Variants in TRAPPC9 observed in about 807,000 individuals in gnomAD.
TRAPPC9 encodes the protein trafficking protein particle complex subunit 9, also known as IKK2 binding protein.
TRAPPC9 carries 83 observed loss-of-function variants against 124.0 expected under a neutral mutation model. That is an observed-to-expected ratio of 0.67 (90% CI 0.56 to 0.80). The LOEUF (loss-of-function observed/expected upper bound fraction) is 0.80, where lower values mean the gene tolerates loss of function less well. Among genes scored for constraint, TRAPPC9 ranks in the 30% least tolerant of loss-of-function variants. TRAPPC9 has a pLI of 0.00. For synonymous variants in TRAPPC9, 638 were observed against 617.5 expected (o/e 1.03, Z -0.49); for missense variants, 1,302 against 1,508.3 (o/e 0.86, Z 2.27).
intron 17 of TRAPPC9, among the ~76,000 whole-genome samples, chr8:140,198,049 C>T (rs1268326522): frequency 6.6e-6 from 1 of 152,208 alleles, no homozygotes; most frequent in Non-Finnish European, 1.5e-5. Flanking sequence ...GCTTCCTCCT[C>T]AGAGCATTCA....
At chr8:139,865,906 G>T (rs1341342391) in intron 21 of TRAPPC9, among the ~76,000 whole-genome samples, 2 of 152,206 alleles carry the variant, frequency 1.3e-5, no homozygotes, top group Admixed American at 6.5e-5. Context: ...GGTGGTCGGG[G>T]TGCAGCTTGG....
At chr8:139,906,749 G>A (rs1054685416) in intron 20 of TRAPPC9, among the ~76,000 whole-genome samples, 6 of 152,030 alleles carry the variant, frequency 3.9e-5, no homozygotes, top group African/African-American at 1.2e-4. Flanking sequence ...TACTCCCTTC[G>A]CTCAGGCCCT....
intron 16 of TRAPPC9, among the ~76,000 whole-genome samples, chr8:140,226,026 G>T (rs1382590959): frequency 6.6e-6 from 1 of 152,212 alleles, no homozygotes; most frequent in African/African-American, 2.4e-5. Flanking sequence ...TTGGCCTGTA[G>T]AGGAAAGCAG....
chr8:140,177,521 C>T (rs905945439), intron 17 of TRAPPC9, among the ~76,000 whole-genome samples: 1 of 152,048 alleles, frequency 6.6e-6, no homozygotes, highest in Non-Finnish European at 1.5e-5. Context: ...TATCCTTATG[C>T]CAATATCACA....
At chr8:140,155,031 G>A (rs1341220519) in intron 17 of TRAPPC9, among the ~76,000 whole-genome samples, 1 of 152,152 alleles carries the variant, frequency 6.6e-6, no homozygotes, top group East Asian at 1.9e-4. Flanking sequence ...GTTTCACCCG[G>A]ACAGGCTTCT....
chr8:140,063,538 T>C lies in TRAPPC9; in HGVS notation c.2557-39459A>G, dbSNP rs1842748985. On this transcript the variant is annotated intron_variant, in intron 17 of 22. Coordinates refer to ENST00000438773, the MANE Select transcript of TRAPPC9 (RefSeq NM_001160372.4). This position sits in a 1 kb window ranked among gnomAD's most constrained non-coding sequence, Gnocchi z 4.3. The stretch of plus-strand genomic sequence containing the variant: ...TATACCATAAGAGGCCCAGGAGAAA[T>C]GTTTGTTGAATGGATCGGGGAACAG... 6.6e-6 allele frequency among the ~76,000 whole-genome samples: 1 copy of C among 152,108 alleles called. No homozygotes were observed. The highest frequency in any genetic ancestry group is 6.5e-5 in the Admixed American group (1 of 15,276).
At chr8:140,122,023 T>TTCTC (rs533446141) in intron 17 of TRAPPC9, among the ~76,000 whole-genome samples, 3,714 of 138,490 alleles carry the variant, frequency 0.027, 60 homozygotes, top group African/African-American at 0.043. Flanking sequence ...CTTTCTTTCT[T>TTCTC]TCTCTCTCTC....
chr8:139,735,106 G>T (rs1038117649), intron 21 of TRAPPC9, among the ~76,000 whole-genome samples: 1 of 152,170 alleles, frequency 6.6e-6, no homozygotes, highest in Non-Finnish European at 1.5e-5. Context: ...CGGGCTCTTT[G>T]TTCTCCCAGC....
chr8:140,402,692 T>A, intron 6 of TRAPPC9, among the ~76,000 whole-genome samples: 1 of 147,626 alleles, frequency 6.8e-6, no homozygotes. Context: ...CAAAACCCTG[T>A]CTCAAAAAAA....
At chr8:140,096,050 C>T (rs1844924062) in intron 17 of TRAPPC9, 1 of 152,178 alleles carries the variant, frequency 6.6e-6, no homozygotes, top group African/African-American at 2.4e-5. Flanking sequence ...AGGGAGGGCG[C>T]ACATTCCACC....
chr8:140,431,183 G>A (rs1364455102), intron 4 of TRAPPC9, among the ~76,000 whole-genome samples: 2 of 151,998 alleles, frequency 1.3e-5, no homozygotes, highest in South Asian at 2.1e-4. Flanking sequence ...CTCGCCGGGC[G>A]CGGTGGCTCA....
intron 21 of TRAPPC9, among the ~76,000 whole-genome samples, chr8:139,831,641 T>C (rs1194087497): frequency 6.6e-6 from 1 of 152,188 alleles, no homozygotes; most frequent in Non-Finnish European, 1.5e-5. Context: ...CGCCGCAGCC[T>C]GTGCCAGCCT....
chr8:140,357,018 C>G (rs2067772081), intron 9 of TRAPPC9, among the ~76,000 whole-genome samples: 1 of 152,190 alleles, frequency 6.6e-6, no homozygotes, highest in African/African-American at 2.4e-5. Flanking sequence ...ACCTCAGCAG[C>G]CATGCACTTG....
At chr8:139,816,072 T>A (rs1244960558) in intron 21 of TRAPPC9, among the ~76,000 whole-genome samples, 1 of 152,140 alleles carries the variant, frequency 6.6e-6, no homozygotes, top group Non-Finnish European at 1.5e-5. Flanking sequence ...ACGGCTGTGT[T>A]TGGCAGATGC....
intron 17 of TRAPPC9, among the ~76,000 whole-genome samples, chr8:140,147,210 G>A (rs1404760518): frequency 2.6e-5 from 4 of 152,180 alleles, no homozygotes; most frequent in Admixed American, 6.5e-5. Context: ...GAACGCACAC[G>A]TTAGCGTGAA....
At chr8:139,815,393 CTT>C (rs33934110) in intron 21 of TRAPPC9, among the ~76,000 whole-genome samples, 2 of 145,530 alleles carry the variant, frequency 1.4e-5, no homozygotes, top group African/African-American at 2.5e-5. Flanking sequence ...GCATTCATAA[CTT>C]TTTTTTTTTT....
chr8:139,974,686 C>A (rs551459544), intron 19 of TRAPPC9, among the ~76,000 whole-genome samples: 6 of 152,168 alleles, frequency 3.9e-5, no homozygotes, highest in Admixed American at 3.9e-4. Flanking sequence ...GTGAGGCACA[C>A]CCCAGGCTGC....
chr8:140,414,805 G>C (rs1051563861), intron 5 of TRAPPC9, among the ~76,000 whole-genome samples: 1 of 151,854 alleles, frequency 6.6e-6, no homozygotes, highest in Non-Finnish European at 1.5e-5. Context: ...GCAGTGGTGC[G>C]ATCTTGGCTC....
In TRAPPC9 at chr8:140,104,885, A is replaced by C. The variant is rs2060636622; in HGVS notation, c.2557-80806T>G. Among the ~76,000 whole-genome samples, 1 of 152,230 alleles carries C rather than the reference A, an allele frequency of 6.6e-6. No individual in the cohort carries two copies. Among genetic ancestry groups the C allele is most frequent in the Non-Finnish European group, 1.5e-5 (1 of 68,034 alleles). On this transcript the variant is annotated intron_variant, in intron 17 of 22. Transcript: ENST00000438773. The surrounding 1 kb of genome is among the most constrained non-coding windows in gnomAD (Gnocchi z 4.0). ...AGAAACAGTGTTAATGGCGACATTT[A>C]ACGACATGGAGCTCCCTGAGTTGAC... is the stretch of plus-strand genomic sequence containing the variant.
Sources: allele counts gnomAD v4.1 joint callset (sites outside exome capture counted in the v4.1 genomes callset), GRCh38; gene constraint gnomAD v4.1.1; non-coding constraint Gnocchi (gnomAD v3.1); transcripts MANE v1.5; gene names NCBI Gene and HGNC (gene_info 2026-07-23, HGNC 2026-07-21).